ABCA4: variants seen among roughly 807,000 people sequenced by gnomAD.
ABCA4 encodes the protein ATP binding cassette subfamily A member 4, also known as retinal-specific phospholipid-transporting ATPase ABCA4.
A neutral mutation model predicts 263.7 loss-of-function variants in ABCA4; 196 were observed. The observed-to-expected ratio is 0.74, with a 90% confidence interval of 0.66 to 0.84. ABCA4 has a LOEUF of 0.84. Among genes scored for constraint, ABCA4 ranks in the 40% least tolerant of loss-of-function variants. The pLI is 0.00. For synonymous variants in ABCA4, 1,133 were observed against 1,094.2 expected (o/e 1.04, Z -0.70); for missense variants, 2,792 against 2,855.1 (o/e 0.98, Z 0.50).
intron 49 of ABCA4, among the ~76,000 whole-genome samples, chr1:93,994,711 G>C (rs1658949243): frequency 1.3e-5 from 2 of 152,148 alleles, no homozygotes; most frequent in South Asian, 4.1e-4. Flanking sequence ...GCCAATAAGT[G>C]TGTTGCAGGT....
At chr1:94,115,946 G>A (rs1476642598) in intron 1 of ABCA4, among the ~76,000 whole-genome samples, 1 of 152,124 alleles carries the variant, frequency 6.6e-6, no homozygotes, top group African/African-American at 2.4e-5. Flanking sequence ...ATATAAAGAG[G>A]GAGGGCTGTG....
intron 16 of ABCA4, among the ~76,000 whole-genome samples, chr1:94,052,836 G>A (rs1230243545): frequency 6.6e-6 from 1 of 152,188 alleles, no homozygotes; most frequent in Admixed American, 6.5e-5. Context: ...CTGGCAGAAA[G>A]GAGTGTCTTT....
intron 11 of ABCA4, among the ~76,000 whole-genome samples, chr1:94,072,570 A>T (rs1347947088): frequency 6.6e-6 from 1 of 152,214 alleles, no homozygotes; most frequent in East Asian, 1.9e-4. Context: ...AATTTTTCTA[A>T]TTGAGCTTTT....
In ABCA4 at chr1:94,110,242, C is replaced by A. The variant is rs1353315422; in HGVS notation, c.302+1196G>T. 2.0e-5 allele frequency among the ~76,000 whole-genome samples: 3 copies of A among 152,192 alleles called. No individual in the cohort carries two copies. The East Asian group carries it at 5.8e-4, about 29-fold the overall frequency. On this transcript the variant is annotated intron_variant, in intron 3 of 49. Coordinates refer to ENST00000370225, the MANE Select transcript of ABCA4 (RefSeq NM_000350.3). Reference sequence around the variant, plus strand: ...TATCATCTGGTAATCCAGGGGTCAGCAAACATAAAAATTACAGGCTTACAG... The same window carrying A: ...TATCATCTGGTAATCCAGGGGTCAGAAAACATAAAAATTACAGGCTTACAG...
Position 94,025,012 on chromosome 1 carries a change from T to A in ABCA4, c.4576A>T (p.Thr1526Ser). The change falls in exon 31 of 50, where the codon ACG becomes TCG. Residue 1526 changes from threonine to serine, a missense_variant. Thr to Ser is a moderately conservative substitution (Grantham distance 58). Coordinates refer to ENST00000370225, the MANE Select transcript of ABCA4 (RefSeq NM_000350.3). ...AAGAAGTCGGAGATGTTCCTGTCCGTCAGGTCTTGTAGAATTTCCGTGCTG... is the reference window on the plus strand; with the variant it reads ...AAGAAGTCGGAGATGTTCCTGTCCGACAGGTCTTGTAGAATTTCCGTGCTG... ...QRSTEILQDLTDRNISDFLVK... is the reference protein window; with the variant it reads ...QRSTEILQDLSDRNISDFLVK... The A allele has an allele frequency of 1.2e-6, 2 of 1,614,214 alleles. No individual in the cohort carries two copies. The highest frequency in any genetic ancestry group is 1.7e-6 in the Non-Finnish European group (2 of 1,180,040).
intron 6 of ABCA4, among the ~76,000 whole-genome samples, chr1:94,087,872 G>A (rs1384624697): frequency 6.6e-6 from 1 of 152,156 alleles, no homozygotes; most frequent in Non-Finnish European, 1.5e-5. Context: ...TCCCTTCATG[G>A]GGTTTACCTC....
rs774727659 is a variant in ABCA4 at position 94,079,481 on chromosome 1, A to G, written c.1100-20T>C. 1.9e-6 allele frequency: 3 copies of G among 1,614,060 alleles called. No individual in the cohort carries two copies. The African/African-American group carries it at 4.0e-5, about 22-fold the overall frequency. On this transcript the variant is annotated intron_variant, in intron 8 of 49. Coordinates refer to ENST00000370225, the MANE Select transcript of ABCA4 (RefSeq NM_000350.3). ...AGGATGCTGCCAGGAGACAAGGGACAGATTTTACAGAAACTCCCCATTGCT... is the reference window on the plus strand; with the variant it reads ...AGGATGCTGCCAGGAGACAAGGGACGGATTTTACAGAAACTCCCCATTGCT...
In ABCA4 at chr1:94,005,595, A is replaced by G. The variant is rs761308541; in HGVS notation, c.6006-13T>C. 2.4e-5 allele frequency: 39 copies of G among 1,613,574 alleles called. No homozygotes were observed. The South Asian group carries it at 4.0e-4, about 16-fold the overall frequency. ...ATTGGTTAAAATACTGCAAGAAAAAAAGCAATTACTGAGTATCCTTCAAGG... is the reference window on the plus strand; with the variant it reads ...ATTGGTTAAAATACTGCAAGAAAAAGAGCAATTACTGAGTATCCTTCAAGG... On this transcript the variant is annotated splice_polypyrimidine_tract_variant and intron_variant, in intron 43 of 49. Transcript: ENST00000370225.
chr1:94,093,761 C>T (rs554616108), intron 6 of ABCA4, among the ~76,000 whole-genome samples: 315 of 152,334 alleles, frequency 2.1e-3, no homozygotes, highest in African/African-American at 6.9e-3. Flanking sequence ...TCAATGTGCA[C>T]GAAGGGGCCT....
Position 94,043,412 on chromosome 1 carries a change from G to A in ABCA4, c.3114C>T (p.Ala1038=). The change falls in exon 21 of 50, where the codon GCC becomes GCT. Residue 1038 remains alanine, a synonymous_variant. Coordinates refer to ENST00000370225, the MANE Select transcript of ABCA4 (RefSeq NM_000350.3). ...AQLKGKSQEE[A]QLEMEAMLED... is the part of the protein sequence containing the mutation. The stretch of plus-strand genomic sequence containing the variant: ...CCAACATGGCTTCCATCTCCAGCTG[G>A]GCCTCCTCCTGGGACTTTCCTTTCA... 1.2e-6 allele frequency: 2 copies of A among 1,614,078 alleles called. No individual in the cohort carries two copies. The highest frequency in any genetic ancestry group is 1.7e-6 in the Non-Finnish European group (2 of 1,180,018).
At chr1:94,085,970 C>T (rs1225029468) in intron 6 of ABCA4, among the ~76,000 whole-genome samples, 1 of 152,174 alleles carries the variant, frequency 6.6e-6, no homozygotes, top group African/African-American at 2.4e-5. Flanking sequence ...TGCCCAGCCA[C>T]GCTCTCTTTA....
At chr1:94,086,856 G>A (rs1661845224) in intron 6 of ABCA4, among the ~76,000 whole-genome samples, 1 of 152,128 alleles carries the variant, frequency 6.6e-6, no homozygotes, top group Non-Finnish European at 1.5e-5. Flanking sequence ...TTCCCTCCAA[G>A]AATACGAGAT....
Position 94,017,461 on chromosome 1 carries a change from T to G in ABCA4, c.5197-1607A>C, listed in dbSNP as rs141491675. Among the ~76,000 whole-genome samples, 18 of 152,324 alleles carry G rather than the reference T, an allele frequency of 1.2e-4. No homozygotes were observed. The East Asian group carries it at 3.3e-3, about 28-fold the overall frequency. On this transcript the variant is annotated intron_variant, in intron 36 of 49. Coordinates refer to ENST00000370225, the MANE Select transcript of ABCA4 (RefSeq NM_000350.3). ...TGCAGTCCTCAAAGTGTCAAGACCA[T>G]GAGTGTTAACAAAAGACTGTGGAAC...
At chr1:94,082,035 C>A (rs934615988) in intron 7 of ABCA4, among the ~76,000 whole-genome samples, 2 of 152,198 alleles carry the variant, frequency 1.3e-5, no homozygotes, top group African/African-American at 4.8e-5. Context: ...TACGTGTCAT[C>A]CCTCTCTTTG....
intron 3 of ABCA4, 111 bp downstream of exon 3, chr1:94,111,326 CA>C (rs1662595139): frequency 6.9e-7 from 1 of 1,445,400 alleles, no homozygotes; most frequent in Non-Finnish European, 9.5e-7. Context: ...AGGGGCTCAG[CA>C]AAGCCACAAG....
rs1032423495 is a variant in ABCA4 at position 94,012,773 on chromosome 1, C to T, written c.5461-1388G>A. Among the ~76,000 whole-genome samples the T allele has an allele frequency of 1.4e-4, 22 of 152,306 alleles. 2 individuals carry two copies. Among genetic ancestry groups the T allele is most frequent in the Admixed American group, 6.5e-4 (10 of 15,300 alleles). The stretch of plus-strand genomic sequence containing the variant: ...GAGGATCATACACTGTGGCTTATAT[C>T]GTTGCAAACTTCGTGGGCAGGTCCT... On this transcript the variant is annotated intron_variant, in intron 38 of 49. Coordinates refer to ENST00000370225, the MANE Select transcript of ABCA4 (RefSeq NM_000350.3).
rs61751395 is a variant in ABCA4 at position 94,056,683 on chromosome 1, A to T, written c.2300T>A (p.Val767Asp). 18 of 1,614,034 alleles carry T rather than the reference A, an allele frequency of 1.1e-5. No individual in the cohort carries two copies. Among genetic ancestry groups the T allele is most frequent in the Non-Finnish European group, 1.5e-5 (18 of 1,180,028 alleles). ...TGGCAGGTAGAGGGTGAAATAGATG[A>T]CACCACTACAGGCTGCTGCCAGACT... ...KASLAAACSG[V>D]IYFTLYLPHI... The change falls in exon 15 of 50, where the codon GTC (valine) becomes GAC (aspartate). Residue 767 changes from valine (V) to aspartate (D), a missense_variant. Coordinates refer to ENST00000370225, the MANE Select transcript of ABCA4 (RefSeq NM_000350.3).
chr1:94,057,557 G>A (rs497511), intron 14 of ABCA4, among the ~76,000 whole-genome samples: 68,028 of 151,970 alleles, frequency 0.45, 16,237 homozygotes, highest in Non-Finnish European at 0.53. Flanking sequence ...ATTTTCTGAG[G>A]TTTGCTACCC....
intron 37 of ABCA4, among the ~76,000 whole-genome samples, chr1:94,015,383 T>G (rs1166762508): frequency 6.6e-6 from 1 of 152,190 alleles, no homozygotes; most frequent in Non-Finnish European, 1.5e-5. Context: ...ATGGGGACAC[T>G]GAGGTGGACA....
Sources: gnomAD v4.1 joint callset for allele counts (sites outside exome capture counted in the v4.1 genomes callset) on GRCh38, gnomAD v4.1.1 for gene constraint, MANE v1.5 for transcripts, NCBI Gene and HGNC (gene_info 2026-07-23, HGNC 2026-07-21) for gene names.